Variants in PRKG1 observed in about 807,000 individuals in gnomAD.
The protein encoded by PRKG1 is protein kinase cGMP-dependent 1.
A neutral mutation model predicts 88.1 loss-of-function variants in PRKG1; 35 were observed. That is an observed-to-expected ratio of 0.40 (90% CI 0.30 to 0.53). The LOEUF (loss-of-function observed/expected upper bound fraction) is 0.53, where lower values mean the gene tolerates loss of function less well. PRKG1 is among the 20% of genes least tolerant of loss of function. The probability of loss-of-function intolerance (pLI) is 0.59; values close to 1 mark genes in which losing one functional copy is unlikely to be tolerated. For missense variants in PRKG1, 540 were observed against 839.8 expected (o/e 0.64, Z 4.41); for synonymous variants, 303 against 292.5 (o/e 1.04, Z -0.37).
intron 3 of PRKG1, 24 bp from the exon 4 acceptor site, chr10:51,804,561 T>A: frequency 6.7e-7 from 1 of 1,494,912 alleles, no homozygotes; most frequent in Non-Finnish European, 9.3e-7. Context: ...TTTCCCTGTT[T>A]GTTTCTCTTT....
chr10:51,666,987 G>A (rs899003405), intron 3 of PRKG1, among the ~76,000 whole-genome samples: 37 of 151,968 alleles, frequency 2.4e-4, no homozygotes, highest in African/African-American at 8.4e-4. Flanking sequence ...TAGTAGAGAC[G>A]TGGTTTCACC....
intron 2 of PRKG1, among the ~76,000 whole-genome samples, chr10:51,264,385 A>G (rs1246517629): frequency 6.6e-6 from 1 of 152,208 alleles, no homozygotes; most frequent in South Asian, 2.1e-4. Flanking sequence ...CATGTCCTGT[A>G]AAAGCTTGGT....
At chr10:51,152,676 G>T (rs1035716552) in intron 1 of PRKG1, among the ~76,000 whole-genome samples, 1 of 151,834 alleles carries the variant, frequency 6.6e-6, no homozygotes, top group Non-Finnish European at 1.5e-5. Flanking sequence ...AGCAGAAGAG[G>T]CACATAAAAA....
chr10:51,879,315 C>T (rs1174082721), intron 4 of PRKG1, among the ~76,000 whole-genome samples: 1 of 152,142 alleles, frequency 6.6e-6, no homozygotes, highest in African/African-American at 2.4e-5. Flanking sequence ...GGGGTGAGTT[C>T]AGGGCTGACT....
At chr10:52,202,008 A>G (rs1421873347) in intron 9 of PRKG1, among the ~76,000 whole-genome samples, 4 of 152,078 alleles carry the variant, frequency 2.6e-5, no homozygotes, top group Admixed American at 6.6e-5. Context: ...AAACAGAGAT[A>G]GTTTGACTTC....
rs536124880 is a variant in PRKG1, at chr10:51,226,048, C to A, written c.478+72718C>A. 2.2e-3 allele frequency among the ~76,000 whole-genome samples: 329 copies of A among 152,120 alleles called. 2 individuals carry two copies. Among genetic ancestry groups the A allele is most frequent in the South Asian group, 5.8e-3 (28 of 4,808 alleles). ...GTGAAACACCGCCTCTACTAAAATA[C>A]AAAAAGTTAGCCAGGTGTGGTGGCA... On this transcript the variant is annotated intron_variant, in intron 2 of 17. Coordinates refer to ENST00000373980, the MANE Select transcript of PRKG1 (RefSeq NM_006258.4).
chr10:51,656,895 G>A (rs191175182), intron 3 of PRKG1, among the ~76,000 whole-genome samples: 4 of 152,234 alleles, frequency 2.6e-5, no homozygotes, highest in East Asian at 3.9e-4. Flanking sequence ...AAATTTAAGA[G>A]TACAGACTCT....
At chr10:52,183,951 C>T (rs1026831873) in intron 9 of PRKG1, among the ~76,000 whole-genome samples, 9 of 152,188 alleles carry the variant, frequency 5.9e-5, no homozygotes, top group African/African-American at 2.2e-4. Context: ...GGGGAAGTCC[C>T]TCCTGTCTCC....
chr10:52,252,905 T>C (rs1841210500), intron 10 of PRKG1: 1 of 151,930 alleles, frequency 6.6e-6, no homozygotes, highest in African/African-American at 2.4e-5. Flanking sequence ...TACCAATTAA[T>C]GTAGCCATGG....
chr10:51,557,075 C>T (rs150878652), intron 3 of PRKG1, among the ~76,000 whole-genome samples: 3 of 152,118 alleles, frequency 2.0e-5, no homozygotes, highest in South Asian at 2.1e-4. Context: ...ATCCCACACA[C>T]ATATAAATGC....
intron 3 of PRKG1, among the ~76,000 whole-genome samples, chr10:51,786,797 T>C (rs1838740899): frequency 6.6e-6 from 1 of 152,198 alleles, no homozygotes; most frequent in South Asian, 2.1e-4. Context: ...GTATTTTCCT[T>C]CTTGTATCAA....
chr10:51,296,231 G>A (rs1416814705), intron 2 of PRKG1, among the ~76,000 whole-genome samples: 2 of 152,042 alleles, frequency 1.3e-5, no homozygotes, highest in Admixed American at 6.6e-5. Flanking sequence ...TTTTTTGGAA[G>A]AGTTAAAGAA....
At chr10:51,772,351 G>C (rs1838325055) in intron 3 of PRKG1, among the ~76,000 whole-genome samples, 1 of 151,758 alleles carries the variant, frequency 6.6e-6, no homozygotes, top group South Asian at 2.1e-4. Context: ...GTTTAATAGT[G>C]GAACATTGGA....
chr10:52,170,883 G>T (rs77222146), intron 9 of PRKG1, among the ~76,000 whole-genome samples: 2 of 136,694 alleles, frequency 1.5e-5, no homozygotes, highest in African/African-American at 2.7e-5. Context: ...GCTCTTCGGC[G>T]GCTTTCAGAC....
intron 1 of PRKG1, among the ~76,000 whole-genome samples, chr10:51,005,004 A>C (rs1164097812): frequency 6.6e-6 from 1 of 152,162 alleles, no homozygotes; most frequent in Admixed American, 6.6e-5. Context: ...GGAACCACTC[A>C]GTGGAGATTT....
At chr10:51,612,651 C>T (rs368924106) in intron 3 of PRKG1, among the ~76,000 whole-genome samples, 47 of 152,080 alleles carry the variant, frequency 3.1e-4, no homozygotes, top group Admixed American at 3.9e-4. Flanking sequence ...CTACAACATC[C>T]GGTACTTTCT....
At chr10:51,099,799 A>G (rs1844635146) in intron 1 of PRKG1, among the ~76,000 whole-genome samples, 3 of 152,242 alleles carry the variant, frequency 2.0e-5, no homozygotes, top group Middle Eastern at 3.4e-3. Context: ...AGATTTTTTG[A>G]TCATACACTT....
intron 3 of PRKG1, among the ~76,000 whole-genome samples, chr10:51,530,907 T>A (rs1454777069): frequency 6.6e-6 from 1 of 152,200 alleles, no homozygotes; most frequent in East Asian, 1.9e-4. Context: ...AATCTCCTTA[T>A]GGGCCCGGGG....
intron 3 of PRKG1, among the ~76,000 whole-genome samples, chr10:51,765,433 A>G (rs761710182): frequency 6.6e-6 from 1 of 152,112 alleles, no homozygotes; most frequent in Non-Finnish European, 1.5e-5. Flanking sequence ...CATTTTTCTA[A>G]TAATCAAATC....
Sources: gnomAD v4.1 joint callset for allele counts (sites outside exome capture counted in the v4.1 genomes callset) on GRCh38, gnomAD v4.1.1 for gene constraint, MANE v1.5 for transcripts, NCBI Gene and HGNC (gene_info 2026-07-23, HGNC 2026-07-21) for gene names.